Variants in STK32B observed in about 807,000 individuals in gnomAD.
The protein encoded by STK32B is serine/threonine kinase 32B, also known as serine/threonine-protein kinase 32B.
Under a neutral mutation model 52.6 loss-of-function variants are expected in STK32B, and 43 were observed. The ratio of observed to expected loss-of-function variants is 0.82; its 90% confidence interval spans 0.64 to 1.05. The LOEUF is 1.05. STK32B is among the 50% of genes least tolerant of loss of function. STK32B has a pLI of 0.00. For synonymous variants in STK32B, 238 were observed against 204.3 expected (o/e 1.17, Z -1.41); for missense variants, 621 against 534.6 (o/e 1.16, Z -1.59).
intron 1 of STK32B, among the ~76,000 whole-genome samples, chr4:5,070,563 A>T (rs1711704768): frequency 6.6e-6 from 1 of 152,170 alleles, no homozygotes; most frequent in Non-Finnish European, 1.5e-5. Context: ...ATTACTTTGG[A>T]AATGATCTTA....
intron 3 of STK32B, among the ~76,000 whole-genome samples, chr4:5,216,846 GAAA>G (rs1355147579): frequency 6.6e-6 from 1 of 151,968 alleles, no homozygotes; most frequent in Non-Finnish European, 1.5e-5. Context: ...GTTAGTTTAT[GAAA>G]TAAAGTCTTA....
At chr4:5,070,655 G>A (rs1056326948) in intron 1 of STK32B, among the ~76,000 whole-genome samples, 2 of 152,126 alleles carry the variant, frequency 1.3e-5, no homozygotes, top group African/African-American at 4.8e-5. Flanking sequence ...TTGTGAAGAG[G>A]TGAAATTTGG....
intron 3 of STK32B, among the ~76,000 whole-genome samples, chr4:5,322,298 T>G (rs1435896450): frequency 6.6e-6 from 1 of 152,158 alleles, no homozygotes; most frequent in African/African-American, 2.4e-5. Context: ...CATTGTTGGA[T>G]TTCTGTAGCG....
At chr4:5,454,706 G>A (rs1028985438) in intron 7 of STK32B, among the ~76,000 whole-genome samples, 6 of 151,980 alleles carry the variant, frequency 3.9e-5, no homozygotes, top group South Asian at 4.2e-4. Context: ...ATAGTGCCTC[G>A]GTTTTGTCTT....
rs1269338859 is a variant in STK32B at position 5,056,425 on chromosome 4, A to G, written c.52+4510A>G. Among the ~76,000 whole-genome samples, 12 of 152,358 alleles carry G rather than the reference A, an allele frequency of 7.9e-5. No homozygotes were observed. In the South Asian group the frequency reaches 1.0e-3, roughly 13 times the overall value. ...TAAGGCCTAAAATAACACCTGTAAC[A>G]TAATAGATGCCTGGTAATTTTTTGG... On this transcript the variant is annotated intron_variant, in intron 1 of 11. Transcript: ENST00000282908.
At chr4:5,176,460 T>TA (rs397992154) in intron 3 of STK32B, among the ~76,000 whole-genome samples, 1 of 143,280 alleles carries the variant, frequency 7.0e-6, no homozygotes, top group African/African-American at 2.5e-5. Context: ...TTTTTTTTTT[T>TA]AAGATGGAGT....
chr4:5,482,042 G>A (rs539060195), intron 11 of STK32B, among the ~76,000 whole-genome samples: 222 of 152,134 alleles, frequency 1.5e-3, no homozygotes, highest in African/African-American at 4.8e-3. Flanking sequence ...TTGTTCTTTT[G>A]GCCTAGGATT....
At chr4:5,099,447 T>TGCGCGCGCGC (rs1553823495) in intron 1 of STK32B, among the ~76,000 whole-genome samples, 2,254 of 80,588 alleles carry the variant, frequency 0.028, 49 homozygotes, top group African/African-American at 0.12. Context: ...TGTGTGTGTG[T>TGCGCGCGCGC]GTGCGCGCGC....
At chr4:5,241,641 A>G (rs936155749) in intron 3 of STK32B, among the ~76,000 whole-genome samples, 1 of 152,138 alleles carries the variant, frequency 6.6e-6, no homozygotes, top group Non-Finnish European at 1.5e-5. Context: ...TTTGTTACAT[A>G]TGTATACATG....
At chr4:5,393,738 C>T (rs1029565820) in intron 4 of STK32B, among the ~76,000 whole-genome samples, 16 of 152,118 alleles carry the variant, frequency 1.1e-4, no homozygotes, top group Non-Finnish European at 1.8e-4. Flanking sequence ...CCAGGCCCCT[C>T]CTCCAACACT....
At chr4:5,359,062 GTCT>G (rs1425879470) in intron 4 of STK32B, among the ~76,000 whole-genome samples, 8 of 152,342 alleles carry the variant, frequency 5.3e-5, no homozygotes, top group East Asian at 1.9e-4. Context: ...CTCACTTCAA[GTCT>G]TCTTGTGCAG....
intron 3 of STK32B, among the ~76,000 whole-genome samples, chr4:5,192,252 G>A (rs544859466): frequency 2.0e-5 from 3 of 152,270 alleles, no homozygotes; most frequent in African/African-American, 4.8e-5. Context: ...GACATTCCTC[G>A]TGTTATTGAA....
At chr4:5,310,334 C>G (rs10030499) in intron 3 of STK32B, among the ~76,000 whole-genome samples, 19,473 of 151,926 alleles carry the variant, frequency 0.13, 2,698 homozygotes, top group African/African-American at 0.36. Context: ...TGAAACAACT[C>G]AACAGCAAAA....
intron 3 of STK32B, among the ~76,000 whole-genome samples, chr4:5,213,874 A>G (rs1160927741): frequency 6.6e-6 from 1 of 152,198 alleles, no homozygotes; most frequent in African/African-American, 2.4e-5. Flanking sequence ...ATGAGATTAA[A>G]TTACCAATTA....
At chr4:5,319,374 G>T (rs928006370) in intron 3 of STK32B, among the ~76,000 whole-genome samples, 3 of 152,168 alleles carry the variant, frequency 2.0e-5, no homozygotes, top group Non-Finnish European at 4.4e-5. Flanking sequence ...CTAAAGCAAA[G>T]GTCCTCCAAC....
chr4:5,291,887 C>T (rs988570586), intron 3 of STK32B, among the ~76,000 whole-genome samples: 3 of 151,990 alleles, frequency 2.0e-5, no homozygotes, highest in Non-Finnish European at 4.4e-5. Context: ...TCTGGGGATA[C>T]GTGTGCAGGT....
intron 4 of STK32B, among the ~76,000 whole-genome samples, chr4:5,385,054 T>A (rs183234437): frequency 0.018 from 2,711 of 152,022 alleles, 29 homozygotes; most frequent in Non-Finnish European, 0.03. Context: ...TTTCCGAGCG[T>A]CCACAGGTGA....
Position 5,467,565 on chromosome 4 carries a change from C to T in STK32B, c.1042-441C>T, listed in dbSNP as rs574836943. Among the ~76,000 whole-genome samples, 97 of 152,200 alleles carry T rather than the reference C, an allele frequency of 6.4e-4. No individual in the cohort carries two copies. Among genetic ancestry groups the T allele is most frequent in the African/African-American group, 2.3e-3 (94 of 41,530 alleles). On this transcript the variant is annotated intron_variant, in intron 10 of 11. Coordinates refer to ENST00000282908, the MANE Select transcript of STK32B (RefSeq NM_018401.3). The surrounding 1 kb of genome is among the most constrained non-coding windows in gnomAD (Gnocchi z 5.8). ...CTGTAAAGGTTCTATTTCCAAATAA[C>T]GTCATGTTTATAAGTACTGGGGGGC...
chr4:5,190,851 G>A (rs1405139197), intron 3 of STK32B, among the ~76,000 whole-genome samples: 3 of 152,066 alleles, frequency 2.0e-5, no homozygotes, highest in Admixed American at 6.5e-5. Flanking sequence ...ATTATAGATG[G>A]GGAAACTGAG....
Sources: allele counts gnomAD v4.1 joint callset (sites outside exome capture counted in the v4.1 genomes callset), GRCh38; gene constraint gnomAD v4.1.1; non-coding constraint Gnocchi (gnomAD v3.1); transcripts MANE v1.5; gene names NCBI Gene and HGNC (gene_info 2026-07-23, HGNC 2026-07-21).